The following DSG3 variants were observed in gnomAD, a reference collection of about 807,000 sequenced individuals.
DSG3 encodes desmoglein 3.
In DSG3, 63 loss-of-function variants were observed where a neutral mutation model predicts 85.9. The observed-to-expected ratio is 0.73, with a 90% CI of 0.60 to 0.90. DSG3 has a LOEUF of 0.90. Ranked by LOEUF, DSG3 falls within the 40% of genes least tolerant of loss-of-function variation. DSG3 has a pLI of 0.00. For synonymous variants in DSG3, 447 were observed against 441.9 expected, an observed-to-expected ratio of 1.01 and a Z score of -0.14; for missense variants, 1,220 against 1,219.9, an observed-to-expected ratio of 1.00 and a Z score of 0.00.
At position 31,469,213 on chromosome 18, in the gene DSG3, T is replaced by C; in HGVS notation, c.1761T>C (p.Cys587=). 1 of 1,614,186 alleles carries C rather than the reference T, an allele frequency of 6.2e-7. No individual in the cohort carries two copies. Among genetic ancestry groups the C allele is most frequent in the Non-Finnish European group, 8.5e-7 (1 of 1,180,024 alleles). Residue 587 remains cysteine, a synonymous_variant, in exon 12 of 16, where the codon TGT becomes TGC. Coordinates refer to ENST00000257189, the MANE Select transcript of DSG3 (RefSeq NM_001944.3). ...CACGCAGCTTGACACTGGAAGTCTG[T>C]CAGTGTGACAACAGGGGCATCTGTG... ...EMPRSLTLEV[C]QCDNRGICGT... is the part of the protein sequence containing the mutation.
intron 2 of DSG3, 86 bp downstream of exon 2, chr18:31,456,561 A>C: frequency 3.1e-6 from 2 of 637,232 alleles, no homozygotes; most frequent in African/African-American, 1.9e-5. Flanking sequence ...ATGAATATTT[A>C]ATTTCTAAAA....
At chr18:31,467,339 T>C (rs1471306332) in intron 11 of DSG3, among the ~76,000 whole-genome samples, 1 of 151,134 alleles carries the variant, frequency 6.6e-6, no homozygotes, top group Non-Finnish European at 1.5e-5. Flanking sequence ...GAAAACTCCA[T>C]CTAAAAAAAA....
intron 11 of DSG3, among the ~76,000 whole-genome samples, chr18:31,467,984 C>T (rs556705174): frequency 2.4e-4 from 36 of 152,242 alleles, no homozygotes; most frequent in African/African-American, 6.5e-4. Context: ...CAGAGAGGGC[C>T]GGGATGTGTC....
intron 5 of DSG3, 138 bp from the exon 6 acceptor site, chr18:31,459,707 A>T: frequency 1.3e-6 from 1 of 790,618 alleles, no homozygotes; most frequent in Non-Finnish European, 2.0e-6. Flanking sequence ...ATCACAAGTG[A>T]TATACAATTT....
chr18:31,454,949 G>T (rs1055645517), intron 1 of DSG3, among the ~76,000 whole-genome samples: 4 of 148,670 alleles, frequency 2.7e-5, no homozygotes, highest in African/African-American at 1.0e-4. Flanking sequence ...ATTGAGTCAA[G>T]ATCGCACCAT....
chr18:31,461,625 T>C (rs982678911), intron 8 of DSG3, among the ~76,000 whole-genome samples: 1 of 152,236 alleles, frequency 6.6e-6, no homozygotes, highest in Non-Finnish European at 1.5e-5. Flanking sequence ...GAACTTTCTA[T>C]AGTAAACACA....
In DSG3 at chr18:31,469,304, C is replaced by A. The variant is rs1175591099; in HGVS notation, c.1852C>A (p.Pro618Thr). Reference sequence around the variant, plus strand: ...CAGGCCGCACTCAGGGAGGCTGGGGCCTGCCGCCATCGGCCTGCTGCTCCT... The same window carrying A: ...CAGGCCGCACTCAGGGAGGCTGGGGACTGCCGCCATCGGCCTGCTGCTCCT... ...YGRPHSGRLG[P>T]AAIGLLLLGL... Residue 618 changes from proline to threonine, a missense_variant, in exon 12 of 16, where the codon CCT (proline) becomes ACT (threonine). Coordinates refer to ENST00000257189, the MANE Select transcript of DSG3 (RefSeq NM_001944.3). 1 of 1,613,724 alleles carries A rather than the reference C, an allele frequency of 6.2e-7. No individual in the cohort carries two copies. The highest frequency in any genetic ancestry group is 1.3e-5 in the African/African-American group (1 of 75,040).
intron 10 of DSG3, among the ~76,000 whole-genome samples, chr18:31,465,933 G>C (rs1044998069): frequency 3.3e-5 from 5 of 151,688 alleles, no homozygotes; most frequent in African/African-American, 1.2e-4. Context: ...TTATGTTGAA[G>C]GTAATAAAAA....
chr18:31,474,685 G>T (rs1377115628), intron 15 of DSG3, among the ~76,000 whole-genome samples: 1 of 152,164 alleles, frequency 6.6e-6, no homozygotes, highest in African/African-American at 2.4e-5. Flanking sequence ...CACCCAGGAG[G>T]TAGAAGCTGC....
chr18:31,456,771 A>G (rs2072744875), intron 2 of DSG3, among the ~76,000 whole-genome samples: 1 of 152,214 alleles, frequency 6.6e-6, no homozygotes, highest in Non-Finnish European at 1.5e-5. Context: ...AATATAAAAT[A>G]CGACTAAATG....
chr18:31,448,071 A>G (rs768423043), intron 1 of DSG3, 146 bp downstream of exon 1: 11 of 505,054 alleles, frequency 2.2e-5, no homozygotes, highest in Non-Finnish European at 3.2e-5. Flanking sequence ...CGTGAAGATT[A>G]CCAATTTCCT....
chr18:31,460,244 T>C (rs184743435), intron 6 of DSG3, among the ~76,000 whole-genome samples: 3 of 152,278 alleles, frequency 2.0e-5, no homozygotes, highest in East Asian at 1.9e-4. Context: ...GGAAGTTAAA[T>C]AGGGGCAATG....
At chr18:31,467,571 A>G (rs1273505899) in intron 11 of DSG3, among the ~76,000 whole-genome samples, 2 of 152,168 alleles carry the variant, frequency 1.3e-5, no homozygotes, top group African/African-American at 4.8e-5. Context: ...GAGCTAATTC[A>G]TCCTTTCTCT....
intron 9 of DSG3, among the ~76,000 whole-genome samples, chr18:31,464,995 G>T (rs1251926546): frequency 6.6e-6 from 1 of 151,828 alleles, no homozygotes; most frequent in Admixed American, 6.6e-5. Context: ...AATTAGCCGT[G>T]GTGGTGCACA....
chr18:31,453,338 T>A (rs1307641141), intron 1 of DSG3, among the ~76,000 whole-genome samples: 1 of 152,170 alleles, frequency 6.6e-6, no homozygotes, highest in Non-Finnish European at 1.5e-5. Context: ...ATGAGCTACC[T>A]GCATCTAATC....
intron 10 of DSG3, among the ~76,000 whole-genome samples, chr18:31,466,215 A>G (rs575938359): frequency 6.6e-6 from 1 of 152,324 alleles, no homozygotes; most frequent in African/African-American, 2.4e-5. Flanking sequence ...AAATCAACAC[A>G]TTTAAGAAAG....
intron 9 of DSG3, among the ~76,000 whole-genome samples, 191 bp from the exon 10 acceptor site, chr18:31,465,125 CAA>C (rs60929557): frequency 7.8e-5 from 9 of 115,784 alleles, no homozygotes; most frequent in Admixed American, 9.3e-5. Flanking sequence ...AACTCCGTCT[CAA>C]AAAAAAAAAA....
intron 9 of DSG3, 84 bp from the exon 10 acceptor site, chr18:31,465,234 C>A (rs1340827191): frequency 3.1e-6 from 3 of 972,654 alleles, no homozygotes; most frequent in African/African-American, 1.7e-5. Flanking sequence ...TATGAATATA[C>A]TAAATATAAA....
rs1209214571 is a variant in DSG3 at position 31,478,553 on chromosome 18, T to C, written c.*2293T>C. On this transcript the variant is annotated 3_prime_UTR_variant, in exon 16 of 16. Coordinates refer to ENST00000257189, the MANE Select transcript of DSG3 (RefSeq NM_001944.3). ...ATTGATTTGCCATGTAAAATGTATC[T>C]GCATTTTTTACACAAAACTTGTTTT... is the stretch of plus-strand genomic sequence containing the variant. 6.6e-6 allele frequency: 1 copy of C among 152,330 alleles called. No individual in the cohort carries two copies. Among genetic ancestry groups the C allele is most frequent in the Non-Finnish European group, 1.5e-5 (1 of 68,032 alleles). The allele number at this position is 152,330 out of a possible 1,614,324, so 9.4% of individuals were successfully genotyped here. A position where few individuals can be genotyped will look rare whatever the true frequency, so the allele number is the denominator to read the frequency against.
Sources: gnomAD v4.1 joint callset for allele counts (sites outside exome capture counted in the v4.1 genomes callset) on GRCh38, gnomAD v4.1.1 for gene constraint, MANE v1.5 for transcripts, NCBI Gene and HGNC (gene_info 2026-07-23, HGNC 2026-07-21) for gene names.